CHD2: variants seen among roughly 807,000 people sequenced by gnomAD.
CHD2 encodes the protein ATP-dependent chromatin remodeler CHD2.
In CHD2, 28 loss-of-function variants were observed where a neutral mutation model predicts 243.9. The observed-to-expected ratio is 0.11, with a 90% CI of 0.09 to 0.16. The LOEUF is 0.16. Ranked by LOEUF, CHD2 falls within the 10% of genes least tolerant of loss-of-function variation. The probability of loss-of-function intolerance (pLI) is 1.00; values close to 1 mark genes in which losing one functional copy is unlikely to be tolerated. For missense variants in CHD2, 1,386 were observed against 2,209.8 expected, an observed-to-expected ratio of 0.63 and a Z score of 7.47; for synonymous variants, 775 against 779.0, an observed-to-expected ratio of 0.99 and a Z score of 0.09.
intron 28 of CHD2, among the ~76,000 whole-genome samples, chr15:92,995,991 A>G (rs2054182192): frequency 6.6e-6 from 1 of 152,030 alleles, no homozygotes; most frequent in Non-Finnish European, 1.5e-5. Context: ...GGTCACTTGC[A>G]TTTTGTTCTA....
At chr15:92,967,601 T>G (rs1053551332) in intron 17 of CHD2, 88 bp downstream of exon 17, 18 of 868,566 alleles carry the variant, frequency 2.1e-5, no homozygotes, top group African/African-American at 7.1e-5. Context: ...TACTTTTGTT[T>G]TTTTTTTTTT....
chr15:92,949,777 T>G (rs1412441704), intron 13 of CHD2, among the ~76,000 whole-genome samples: 1 of 152,194 alleles, frequency 6.6e-6, no homozygotes, highest in African/African-American at 2.4e-5. Context: ...AAAGAACTAG[T>G]GCTCAAGGAA....
At chr15:92,946,280 C>A in intron 12 of CHD2, 64 bp downstream of exon 12, 1 of 1,254,968 alleles carries the variant, frequency 8.0e-7, no homozygotes, top group South Asian at 2.1e-5. Context: ...GGATTGGACA[C>A]ATATGTGCTG....
intron 28 of CHD2, among the ~76,000 whole-genome samples, chr15:92,994,417 C>T (rs1056386750): frequency 1.3e-5 from 2 of 151,208 alleles, no homozygotes; most frequent in Admixed American, 6.6e-5. Context: ...TTTTATTATT[C>T]AATAATAACC....
chr15:92,997,489 A>AG lies in CHD2; in HGVS notation c.3885+91dup. On this transcript the variant is annotated intron_variant, in intron 30 of 38. Coordinates refer to ENST00000394196, the MANE Select transcript of CHD2 (RefSeq NM_001271.4). The surrounding 1 kb of genome is among the most constrained non-coding windows in gnomAD (Gnocchi z 4.1). ...GATTACTTATTTCTAACTATTTTCG[A>AG]GGGGGCATCAAATTAGAAATTAGTA... The AG allele has an allele frequency of 8.1e-7, 1 of 1,238,824 alleles. No homozygotes were observed. Among genetic ancestry groups the AG allele is most frequent in the Non-Finnish European group, 1.1e-6 (1 of 918,558 alleles). The allele number at this position is 1,238,824 out of a possible 1,614,324, so 76.7% of individuals were successfully genotyped here.
intron 35 of CHD2, among the ~76,000 whole-genome samples, chr15:93,010,288 T>C (rs2054374302): frequency 6.6e-6 from 1 of 151,870 alleles, no homozygotes. Context: ...GCTATAAACA[T>C]GTAAGTGCAA....
At chr15:92,946,279 A>G (rs762339440) in intron 12 of CHD2, 63 bp downstream of exon 12, 21 of 1,268,866 alleles carry the variant, frequency 1.7e-5, no homozygotes, top group Non-Finnish European at 2.2e-5. Flanking sequence ...AGGATTGGAC[A>G]CATATGTGCT....
intron 16 of CHD2, among the ~76,000 whole-genome samples, chr15:92,964,641 G>C (rs1354870481): frequency 6.6e-6 from 1 of 152,200 alleles, no homozygotes; most frequent in Non-Finnish European, 1.5e-5. Context: ...CTTTCCTGCA[G>C]GGTGGCTCTG....
intron 8 of CHD2, 83 bp from the exon 9 acceptor site, chr15:92,942,760 T>C: frequency 9.5e-7 from 1 of 1,054,130 alleles, no homozygotes; most frequent in Non-Finnish European, 1.3e-6. Context: ...ACAAAGGGAG[T>C]CTTCAGATAA....
intron 24 of CHD2, among the ~76,000 whole-genome samples, chr15:92,982,863 G>A (rs995402276): frequency 2.0e-5 from 3 of 152,178 alleles, no homozygotes; most frequent in Non-Finnish European, 2.9e-5. Context: ...TGATTTATTA[G>A]TGTTCGTCAT....
rs867460473 is a variant in CHD2, at chr15:92,965,218, T to G, written c.2001-2107T>G. The G allele has an allele frequency of 3.9e-5, 6 of 152,206 alleles. No homozygotes were observed. In the Middle Eastern group the frequency reaches 0.01, roughly 259 times the overall value. The allele number at this position is 152,206 out of a possible 1,614,324, so 9.4% of individuals were successfully genotyped here. On this transcript the variant is annotated intron_variant, in intron 16 of 38. Coordinates refer to ENST00000394196, the MANE Select transcript of CHD2 (RefSeq NM_001271.4). ...CCTTATACCTTTTCTATATCTAATA[T>G]TATAAATTAATAATTGTTTTCAGGG...
chr15:93,020,822 G>C (rs1313862909), intron 38 of CHD2: 1 of 156,780 alleles, frequency 6.4e-6, no homozygotes, highest in Admixed American at 6.2e-5. Context: ...TTTTCCCTGG[G>C]CTGATGATGT....
chr15:93,010,776 C>G (rs1236568599), intron 35 of CHD2, among the ~76,000 whole-genome samples: 2 of 152,164 alleles, frequency 1.3e-5, no homozygotes, highest in African/African-American at 4.8e-5. Flanking sequence ...TTCCATTAAT[C>G]ACAGTTACTT....
chr15:92,903,704 C>T (rs1305496549), intron 2 of CHD2, among the ~76,000 whole-genome samples: 1 of 152,138 alleles, frequency 6.6e-6, no homozygotes, highest in African/African-American at 2.4e-5. Flanking sequence ...TTGGGGATAA[C>T]TTAAGTAACA....
rs1391189994 is a variant in CHD2, at chr15:92,998,379, T to C, written c.3886-120T>C. The C allele has an allele frequency of 6.8e-7, 1 of 1,468,600 alleles. No homozygotes were observed. The highest frequency in any genetic ancestry group is 9.2e-7 in the Non-Finnish European group (1 of 1,087,186). 91.0% of individuals were successfully genotyped at this position (1,468,600 alleles called of 1,614,324 possible). A position where few individuals can be genotyped will look rare whatever the true frequency, so the allele number is the denominator to read the frequency against. On this transcript the variant is annotated intron_variant, in intron 30 of 38. Coordinates refer to ENST00000394196, the MANE Select transcript of CHD2 (RefSeq NM_001271.4). The surrounding 1 kb of genome is among the most constrained non-coding windows in gnomAD (Gnocchi z 5.1). ...ATGAGATAGGATCTGAGGCTTTATC[T>C]ATATTTTGGGTGGTTGGGGAGGGAA...
At chr15:93,015,933 G>C (rs1220019278) in intron 37 of CHD2, among the ~76,000 whole-genome samples, 1 of 152,172 alleles carries the variant, frequency 6.6e-6, no homozygotes, top group Non-Finnish European at 1.5e-5. Flanking sequence ...AGCCATTATG[G>C]AAAACAATGC....
intron 37 of CHD2, among the ~76,000 whole-genome samples, chr15:93,017,094 A>G (rs2054471841): frequency 6.6e-6 from 1 of 152,190 alleles, no homozygotes; most frequent in Non-Finnish European, 1.5e-5. Flanking sequence ...GAATTGCTAT[A>G]ATCTTTGCAG....
Position 92,997,487 on chromosome 15 carries a change from C to T in CHD2, c.3885+84C>T, listed in dbSNP as rs958469965. On this transcript the variant is annotated intron_variant, in intron 30 of 38. Coordinates refer to ENST00000394196, the MANE Select transcript of CHD2 (RefSeq NM_001271.4). This position sits in a 1 kb window ranked among gnomAD's most constrained non-coding sequence, Gnocchi z 4.1. ...TCGATTACTTATTTCTAACTATTTT[C>T]GAGGGGGCATCAAATTAGAAATTAG... 3.8e-5 allele frequency: 47 copies of T among 1,242,158 alleles called. No homozygotes were observed. The highest frequency in any genetic ancestry group is 8.8e-5 in the Admixed American group (3 of 33,902). The allele number at this position is 1,242,158 out of a possible 1,614,324, so 76.9% of individuals were successfully genotyped here. A position where few individuals can be genotyped will look rare whatever the true frequency, so the allele number is the denominator to read the frequency against.
At chr15:92,937,442 A>C (rs1054855795) in intron 5 of CHD2, 76 bp from the exon 6 acceptor site, 1 of 1,061,516 alleles carries the variant, frequency 9.4e-7, no homozygotes, top group African/African-American at 1.6e-5. Context: ...AGTAAAATTG[A>C]AATTGGTTTT....
Sources: gnomAD v4.1 joint callset for allele counts (sites outside exome capture counted in the v4.1 genomes callset) on GRCh38, gnomAD v4.1.1 for gene constraint, Gnocchi (gnomAD v3.1) non-coding constraint, MANE v1.5 for transcripts, NCBI Gene and HGNC (gene_info 2026-07-23, HGNC 2026-07-21) for gene names.